Variants in CSPP1 observed in about 807,000 individuals in gnomAD.
CSPP1 encodes the protein centrosome and spindle pole associated protein 1.
Under a neutral mutation model 164.4 loss-of-function variants are expected in CSPP1, and 126 were observed. The ratio of observed to expected loss-of-function variants is 0.77; its 90% CI spans 0.66 to 0.89. CSPP1 has a LOEUF of 0.89. Among genes scored for constraint, CSPP1 ranks in the 40% least tolerant of loss-of-function variants. The probability of loss-of-function intolerance (pLI) is 0.00; values close to 1 mark genes in which losing one functional copy is unlikely to be tolerated. For synonymous variants in CSPP1, 472 were observed against 476.7 expected (o/e 0.99, Z 0.13); for missense variants, 1,395 against 1,449.8 (o/e 0.96, Z 0.61).
chr8:67,194,982 A>G (rs533751581), intron 30 of CSPP1, among the ~76,000 whole-genome samples: 49 of 152,278 alleles, frequency 3.2e-4, no homozygotes, highest in African/African-American at 1.1e-3. Context: ...CTTTAAAAAA[A>G]ATAAAAAGAA....
intron 16 of CSPP1, chr8:67,134,914 A>G (rs1434551245): frequency 6.6e-6 from 1 of 152,150 alleles, no homozygotes; most frequent in Non-Finnish European, 1.5e-5. Context: ...GTATATTAGC[A>G]TTGGCTTCAA....
Position 67,193,319 on chromosome 8 carries a change from ACTC to A in CSPP1, c.3331-142_3331-140del, listed in dbSNP as rs898805484. The A allele has an allele frequency of 2.0e-4, 110 of 550,322 alleles. No individual in the cohort carries two copies. The Middle Eastern group carries it at 0.014, about 71-fold the overall frequency. 34.1% of individuals were successfully genotyped at this position (550,322 alleles called of 1,614,324 possible). ...ACCATGTTTGCCAGGCTGGTCTTGA[ACTC>A]CTGACTTCAGGTGATCTGCCCACCT... On this transcript the variant is annotated intron_variant, in intron 29 of 30. Coordinates refer to ENST00000678616, the MANE Select transcript of CSPP1 (RefSeq NM_001382391.1).
chr8:67,113,257 AAAC>A (rs928315361), intron 10 of CSPP1, among the ~76,000 whole-genome samples: 5 of 152,196 alleles, frequency 3.3e-5, no homozygotes, highest in African/African-American at 9.6e-5. Flanking sequence ...ACAACAACAA[AAAC>A]AACAACAACA....
At chr8:67,095,992 G>C (rs191992504) in intron 7 of CSPP1, among the ~76,000 whole-genome samples, 1 of 152,280 alleles carries the variant, frequency 6.6e-6, no homozygotes, top group East Asian at 1.9e-4. Context: ...ATGTGAATTG[G>C]AAGTAGTCAT....
rs1341228591 is a variant in CSPP1, at chr8:67,091,833, C to G, written c.334C>G (p.Pro112Ala). The change falls in exon 5 of 31, where the codon CCA becomes GCA. Residue 112 changes from proline (P) to alanine (A), a missense_variant. Physicochemically the swap from Pro to Ala is conservative, Grantham distance 27. Transcript: ENST00000678616. ...KNFLSTSETD[P>A]STLGVSLPIG... The stretch of plus-strand genomic sequence containing the variant: ...TTTTCTATCTACGAGTGAAACAGAT[C>G]CATCTACTTTGGGAGTTTCTCTTCC... 2.2e-6 allele frequency: 3 copies of G among 1,347,146 alleles called. No individual in the cohort carries two copies. Among genetic ancestry groups the G allele is most frequent in the Non-Finnish European group, 3.0e-6 (3 of 1,010,508 alleles). The allele number at this position is 1,347,146 out of a possible 1,614,324, so 83.4% of individuals were successfully genotyped here.
chr8:67,083,547 AAATAT>A (rs1258145094), intron 3 of CSPP1: 1 of 129,042 alleles, frequency 7.7e-6, no homozygotes, highest in Non-Finnish European at 1.6e-5. Context: ...AAAAAAAAAA[AAATAT>A]ATATATATAT....
In CSPP1 at chr8:67,095,422, G is replaced by T; in HGVS notation, c.613G>T (p.Glu205Ter). The change falls in exon 7 of 31, where the codon GAA becomes TAA. Residue 205 changes from glutamate (E) to a stop codon, truncating the protein, a stop_gained. Coordinates refer to ENST00000678616, the MANE Select transcript of CSPP1 (RefSeq NM_001382391.1). LOFTEE classifies it high-confidence loss of function. ...DVLTPSEAYE[E>*]LLNQRRLEED... ...CTTAACTCCTTCAGAGGCATATGAA[G>T]AACTTCTGAACCAAAGACGACTAGA... 6.2e-7 allele frequency: 1 copy of T among 1,613,238 alleles called. No homozygotes were observed. The highest frequency in any genetic ancestry group is 8.5e-7 in the Non-Finnish European group (1 of 1,179,702).
In CSPP1 at chr8:67,095,290, C is replaced by A; in HGVS notation, c.484-3C>A. 1 of 1,516,584 alleles carries A rather than the reference C, an allele frequency of 6.6e-7. No homozygotes were observed. The highest frequency in any genetic ancestry group is 8.8e-7 in the Non-Finnish European group (1 of 1,135,892). The allele number at this position is 1,516,584 out of a possible 1,614,324, so 93.9% of individuals were successfully genotyped here. On this transcript the variant is annotated splice_region_variant and splice_polypyrimidine_tract_variant and intron_variant, in intron 6 of 30. Coordinates refer to ENST00000678616, the MANE Select transcript of CSPP1 (RefSeq NM_001382391.1). ...GTTTCTTTTTTCTTTTTTAATTGAA[C>A]AGCCCAAGAGTCAGAGAAATAAAAA...
chr8:67,112,203 T>A, intron 10 of CSPP1, 138 bp downstream of exon 10: 1 of 392,280 alleles, frequency 2.5e-6, no homozygotes. Context: ...CTCTACATGC[T>A]AAATCAACAA....
At chr8:67,179,973 C>G (rs763917990) in intron 28 of CSPP1, 47 bp downstream of exon 28, 9 of 1,052,840 alleles carry the variant, frequency 8.5e-6, no homozygotes, top group Non-Finnish European at 1.2e-5. Flanking sequence ...AATATTAAAC[C>G]TTTCTCCACA....
At position 67,193,454 on chromosome 8, in the gene CSPP1, C is replaced by T. The variant is rs774609234; in HGVS notation, c.3331-10C>T. On this transcript the variant is annotated splice_polypyrimidine_tract_variant and intron_variant, in intron 29 of 30. Transcript: ENST00000678616. ...TAATGACTTTCTGAAGTTCTGTTTT[C>T]TAACTACAGGATAGCAGTCGTCCTA... is the stretch of plus-strand genomic sequence containing the variant. 1.9e-6 allele frequency: 3 copies of T among 1,606,868 alleles called. No homozygotes were observed. The highest frequency in any genetic ancestry group is 3.4e-5 in the Admixed American group (2 of 59,270).
intron 9 of CSPP1, among the ~76,000 whole-genome samples, chr8:67,110,378 G>A (rs975440195): frequency 1.3e-5 from 2 of 151,930 alleles, no homozygotes; most frequent in African/African-American, 4.8e-5. Flanking sequence ...TACTACTACA[G>A]AGTGACCTTT....
At chr8:67,123,018 T>TCCTGAGCA (rs1288906259) in intron 15 of CSPP1, 1 of 152,396 alleles carries the variant, frequency 6.6e-6, no homozygotes, top group East Asian at 1.9e-4. Flanking sequence ...TACCCCAGCC[T>TCCTGAGCA]CCTGAGCAGC....
chr8:67,091,166 G>A (rs1488673806), intron 4 of CSPP1, among the ~76,000 whole-genome samples: 1 of 152,178 alleles, frequency 6.6e-6, no homozygotes, highest in Non-Finnish European at 1.5e-5. Flanking sequence ...AGAAGAAAGT[G>A]TCTGTCAGAA....
In CSPP1 at chr8:67,193,470, AGTCGTCCTAAT is replaced by A; in HGVS notation, c.3340_3350del (p.Arg1114SerfsTer16). 1 of 1,612,856 alleles carries A rather than the reference AGTCGTCCTAAT, an allele frequency of 6.2e-7. No individual in the cohort carries two copies. The highest frequency in any genetic ancestry group is 8.5e-7 in the Non-Finnish European group (1 of 1,179,000). On this transcript the variant is annotated frameshift_variant, in exon 30 of 31. Transcript: ENST00000678616. LOFTEE classifies it high-confidence loss of function. The stretch of plus-strand genomic sequence containing the variant: ...TTCTGTTTTCTAACTACAGGATAGC[AGTCGTCCTAAT>A]GTAGCACCAGATGGTCTCTCTCTAA...
intron 28 of CSPP1, among the ~76,000 whole-genome samples, chr8:67,180,389 A>G (rs1168007250): frequency 1.3e-5 from 2 of 152,244 alleles, no homozygotes; most frequent in Non-Finnish European, 2.9e-5. Context: ...TGAAATTACA[A>G]AATTAAGAAA....
chr8:67,065,585 T>A, intron 1 of CSPP1: 1 of 808,662 alleles, frequency 1.2e-6, no homozygotes, highest in Non-Finnish European at 1.5e-6. Context: ...GGTCGCTAGC[T>A]TTCTGGTGAT....
At chr8:67,192,078 G>GTTT (rs71249424) in intron 29 of CSPP1, among the ~76,000 whole-genome samples, 6 of 127,690 alleles carry the variant, frequency 4.7e-5, no homozygotes, top group Admixed American at 1.5e-4. Flanking sequence ...TTTTTTTTTT[G>GTTT]TTTTTTTTTT....
At chr8:67,144,870 C>G (rs1262858500) in intron 17 of CSPP1, among the ~76,000 whole-genome samples, 1 of 150,064 alleles carries the variant, frequency 6.7e-6, no homozygotes, top group Non-Finnish European at 1.5e-5. Context: ...AGATCGAGAC[C>G]ATTTTAGCCA....
Sources: allele counts gnomAD v4.1 joint callset (sites outside exome capture counted in the v4.1 genomes callset), GRCh38; gene constraint gnomAD v4.1.1; transcripts MANE v1.5; gene names NCBI Gene and HGNC (gene_info 2026-07-23, HGNC 2026-07-21).